REC114: variants seen among roughly 807,000 people sequenced by gnomAD.
REC114 encodes REC114 meiotic recombination protein, also known as meiotic recombination protein REC114.
A neutral mutation model predicts 31.3 loss-of-function variants in REC114; 27 were observed. The ratio of observed to expected loss-of-function variants is 0.86; its 90% confidence interval spans 0.64 to 1.19. The LOEUF is 1.19. REC114 is among the 50% of genes most tolerant of loss of function. The pLI is 0.00. For synonymous variants in REC114, 134 were observed against 127.7 expected (o/e 1.05, Z -0.33); for missense variants, 344 against 326.9 (o/e 1.05, Z -0.40).
chr15:73,513,704 T>G (rs1187196941), intron 2 of REC114, among the ~76,000 whole-genome samples: 86 of 152,006 alleles, frequency 5.7e-4, no homozygotes, highest in South Asian at 4.0e-3. Flanking sequence ...ATACCCTGCC[T>G]TGTGAGGTGT....
intron 5 of REC114, among the ~76,000 whole-genome samples, chr15:73,557,534 GT>G (rs2141339623): frequency 6.6e-6 from 1 of 151,884 alleles, no homozygotes; most frequent in East Asian, 1.9e-4. Context: ...AAGAATTCAT[GT>G]TTATTTCTTT....
At chr15:73,500,352 C>A (rs369524340) in intron 2 of REC114, among the ~76,000 whole-genome samples, 552 of 137,250 alleles carry the variant, frequency 4.0e-3, no homozygotes, top group Non-Finnish European at 4.7e-3. Context: ...ACAGAAATAG[C>A]AAAAAAAAAA....
At chr15:73,446,154 A>G (rs745746257) in intron 1 of REC114, among the ~76,000 whole-genome samples, 5 of 152,158 alleles carry the variant, frequency 3.3e-5, no homozygotes, top group Non-Finnish European at 7.3e-5. Flanking sequence ...TCTTATTATC[A>G]TTTTGTTCTA....
chr15:73,514,143 G>A (rs1455657130), intron 2 of REC114, among the ~76,000 whole-genome samples: 3 of 151,888 alleles, frequency 2.0e-5, no homozygotes, highest in Admixed American at 2.0e-4. Context: ...ATATAGTCTC[G>A]TGGTGCGCCG....
rs139603120 is a variant in REC114, at chr15:73,515,809, T to C, written c.250-24676T>C. Among the ~76,000 whole-genome samples the C allele has an allele frequency of 5.8e-3, 886 of 152,288 alleles. 6 individuals carry two copies. Among genetic ancestry groups the C allele is most frequent in the African/African-American group, 0.02 (845 of 41,564 alleles). On this transcript the variant is annotated intron_variant, in intron 2 of 5. Transcript: ENST00000331090. ...TTCCAGAAATGTGAGAAATGAAATA[T>C]CTGTTGTTTAAGCCACCCTGTCTCT...
chr15:73,532,152 A>G (rs1894094840), intron 2 of REC114, among the ~76,000 whole-genome samples: 1 of 148,660 alleles, frequency 6.7e-6, no homozygotes, highest in Non-Finnish European at 1.5e-5. Context: ...ACCCCACAAC[A>G]GTCCCCAGAG....
intron 2 of REC114, among the ~76,000 whole-genome samples, chr15:73,481,332 A>G (rs1378299089): frequency 6.6e-6 from 1 of 152,170 alleles, no homozygotes. Context: ...CATGCATGGT[A>G]TCTAGTAATA....
intron 1 of REC114, among the ~76,000 whole-genome samples, chr15:73,472,700 GTATC>G (rs947490305): frequency 6.6e-6 from 1 of 152,050 alleles, no homozygotes; most frequent in African/African-American, 2.4e-5. Flanking sequence ...CCACTCTAAT[GTATC>G]TATCAGTCAT....
intron 2 of REC114, among the ~76,000 whole-genome samples, chr15:73,528,302 A>G (rs559047433): frequency 3.3e-5 from 5 of 152,236 alleles, no homozygotes. Context: ...TAATGAGTGT[A>G]GGCAGTGATT....
chr15:73,552,872 A>ATG (rs1340519189), intron 4 of REC114, among the ~76,000 whole-genome samples: 2 of 152,132 alleles, frequency 1.3e-5, no homozygotes, highest in Non-Finnish European at 2.9e-5. Context: ...GAAGTGTGCA[A>ATG]TGGCACGATC....
At chr15:73,461,288 ACT>A (rs1200937760) in intron 1 of REC114, among the ~76,000 whole-genome samples, 3 of 151,758 alleles carry the variant, frequency 2.0e-5, no homozygotes, top group Non-Finnish European at 2.9e-5. Context: ...AATTTATGAG[ACT>A]CTTGCTACCA....
chr15:73,448,094 T>C (rs1892792265), intron 1 of REC114, among the ~76,000 whole-genome samples: 1 of 149,152 alleles, frequency 6.7e-6, no homozygotes, highest in Non-Finnish European at 1.5e-5. Context: ...TGCAGGAGTT[T>C]GTTTGTTTTT....
intron 3 of REC114, among the ~76,000 whole-genome samples, chr15:73,549,301 G>A (rs1894356270): frequency 6.6e-6 from 1 of 152,180 alleles, no homozygotes. Flanking sequence ...TTATTTGTGG[G>A]ATCTAAAAAT....
intron 5 of REC114, among the ~76,000 whole-genome samples, chr15:73,557,414 TAAAAA>T (rs767116205): frequency 2.7e-5 from 3 of 113,188 alleles, no homozygotes; most frequent in Admixed American, 1.9e-4. Flanking sequence ...ATCAGTAGTT[TAAAAA>T]AAAAAAAAAA....
At chr15:73,457,356 A>T (rs530183182) in intron 1 of REC114, among the ~76,000 whole-genome samples, 1 of 152,132 alleles carries the variant, frequency 6.6e-6, no homozygotes, top group South Asian at 2.1e-4. Flanking sequence ...ATATATGTTG[A>T]TCAGTACTCA....
intron 2 of REC114, among the ~76,000 whole-genome samples, chr15:73,475,865 A>G (rs768800585): frequency 9.9e-5 from 15 of 152,178 alleles, no homozygotes; most frequent in Non-Finnish European, 1.9e-4. Context: ...ACTCACCCAG[A>G]GCAATTTTCA....
chr15:73,497,775 G>A (rs1893549444), intron 2 of REC114, among the ~76,000 whole-genome samples: 2 of 152,160 alleles, frequency 1.3e-5, no homozygotes. Flanking sequence ...CTTTTAGAGT[G>A]TCCACTTATT....
At chr15:73,447,569 G>T (rs1169268729) in intron 1 of REC114, among the ~76,000 whole-genome samples, 1 of 151,860 alleles carries the variant, frequency 6.6e-6, no homozygotes, top group Non-Finnish European at 1.5e-5. Flanking sequence ...AATCCCTTGA[G>T]CCTAGGAGAC....
Position 73,461,899 on chromosome 15 carries a change from A to AT in REC114, c.160-11928dup, listed in dbSNP as rs1177248848. On this transcript the variant is annotated intron_variant, in intron 1 of 5. Coordinates refer to ENST00000331090, the MANE Select transcript of REC114 (RefSeq NM_001042367.2). ...TTATGATTTGGTCATTAGAGATAAC[A>AT]TTTTTCTTTTTCTTTTTCTTTTCTT... Among the ~76,000 whole-genome samples, 50 of 110,630 alleles carry AT rather than the reference A, an allele frequency of 4.5e-4. 1 individual carries two copies. Among genetic ancestry groups the AT allele is most frequent in the Non-Finnish European group, 9.2e-4 (47 of 50,836 alleles). 72.6% of individuals were successfully genotyped at this position (110,630 alleles called of 152,430 possible). A position where few individuals can be genotyped will look rare whatever the true frequency, so the allele number is the denominator to read the frequency against.
Sources: gnomAD v4.1 joint callset for allele counts (sites outside exome capture counted in the v4.1 genomes callset) on GRCh38, gnomAD v4.1.1 for gene constraint, MANE v1.5 for transcripts, NCBI Gene and HGNC (gene_info 2026-07-23, HGNC 2026-07-21) for gene names.